PDE4B: variants seen among roughly 807,000 people sequenced by gnomAD.
PDE4B encodes 3',5'-cyclic-AMP phosphodiesterase 4B.
Under a neutral mutation model 82.2 loss-of-function variants are expected in PDE4B, and 20 were observed. The observed-to-expected ratio is 0.24, with a 90% CI of 0.17 to 0.35. PDE4B has a LOEUF of 0.35. PDE4B is among the 10% of genes least tolerant of loss of function. PDE4B has a pLI of 1.00. For missense variants in PDE4B, 655 were observed against 907.2 expected (o/e 0.72, Z 3.57); for synonymous variants, 320 against 318.9 (o/e 1.00, Z -0.04).
chr1:66,032,761 T>C (rs1004859823), intron 3 of PDE4B, among the ~76,000 whole-genome samples: 3 of 151,690 alleles, frequency 2.0e-5, no homozygotes, highest in African/African-American at 7.3e-5. Context: ...GTTCAAGCCA[T>C]TCTCCTGCCT....
At chr1:66,170,346 T>A (rs1487281782) in intron 3 of PDE4B, among the ~76,000 whole-genome samples, 1 of 152,166 alleles carries the variant, frequency 6.6e-6, no homozygotes, top group Non-Finnish European at 1.5e-5. Context: ...TTAGGAAAAA[T>A]GCATTGAGTA....
intron 1 of PDE4B, among the ~76,000 whole-genome samples, chr1:65,828,445 C>T (rs944654689): frequency 5.9e-5 from 9 of 151,986 alleles, no homozygotes; most frequent in Admixed American, 2.0e-4. Flanking sequence ...AGGGTTTCAC[C>T]ATGTTGGCCA....
intron 3 of PDE4B, among the ~76,000 whole-genome samples, chr1:66,116,975 C>T (rs1215672518): frequency 6.6e-6 from 1 of 152,192 alleles, no homozygotes; most frequent in African/African-American, 2.4e-5. Flanking sequence ...TGCCACCCCT[C>T]CAATCCAGCT....
intron 3 of PDE4B, among the ~76,000 whole-genome samples, chr1:66,120,688 TGTTGAAAGGTG>T (rs1191366430): frequency 6.6e-6 from 1 of 152,196 alleles, no homozygotes. Context: ...AGCTCAGTTC[TGTTGAAAGGTG>T]GTTGCCTTTG....
chr1:65,890,044 T>C (rs892623754), intron 1 of PDE4B, among the ~76,000 whole-genome samples: 8 of 152,116 alleles, frequency 5.3e-5, no homozygotes, highest in Admixed American at 5.3e-4. Context: ...AAAAATATCC[T>C]ATCTGTACCA....
chr1:66,326,805 C>T (rs756967100), intron 7 of PDE4B, among the ~76,000 whole-genome samples: 2 of 152,128 alleles, frequency 1.3e-5, no homozygotes, highest in Non-Finnish European at 2.9e-5. Context: ...CTTTCAATTG[C>T]TAATCATGTG....
chr1:66,259,289 A>C (rs1470920731), intron 6 of PDE4B, among the ~76,000 whole-genome samples: 1 of 152,240 alleles, frequency 6.6e-6, no homozygotes, highest in Non-Finnish European at 1.5e-5. Flanking sequence ...AATAGTGACC[A>C]GAGCAGACAA....
intron 1 of PDE4B, among the ~76,000 whole-genome samples, chr1:65,884,168 T>C (rs962852233): frequency 2.0e-4 from 31 of 152,316 alleles, no homozygotes; most frequent in African/African-American, 7.5e-4. Context: ...GATGCTGGCC[T>C]CATAAAATGA....
chr1:66,180,140 G>A (rs1647029185), intron 3 of PDE4B, among the ~76,000 whole-genome samples: 1 of 152,144 alleles, frequency 6.6e-6, no homozygotes, highest in Admixed American at 6.5e-5. Flanking sequence ...CAGGTAGGGA[G>A]GAAGCCAACA....
chr1:66,335,500 T>TGAA (rs1385813368), intron 8 of PDE4B, among the ~76,000 whole-genome samples: 2 of 152,350 alleles, frequency 1.3e-5, no homozygotes, highest in East Asian at 3.9e-4. Flanking sequence ...CTTTAAATTT[T>TGAA]GAAGAAAACT....
intron 3 of PDE4B, among the ~76,000 whole-genome samples, chr1:66,058,341 A>T (rs58128575): frequency 0.52 from 79,541 of 151,930 alleles, 20,948 homozygotes; most frequent in East Asian, 0.59. Flanking sequence ...TTCCAGGTGC[A>T]TGGTGCAAGC....
At chr1:66,121,510 G>A (rs905423988) in intron 3 of PDE4B, among the ~76,000 whole-genome samples, 10 of 152,184 alleles carry the variant, frequency 6.6e-5, no homozygotes, top group African/African-American at 2.4e-4. Flanking sequence ...TAAGCTCCTG[G>A]AGGAGCTATA....
intron 3 of PDE4B, among the ~76,000 whole-genome samples, chr1:65,941,694 A>G (rs562602411): frequency 1.3e-4 from 20 of 152,238 alleles, no homozygotes; most frequent in African/African-American, 4.6e-4. Context: ...ATATGTATAC[A>G]TTGTGAAATA....
chr1:66,069,179 G>T (rs1656023599), intron 3 of PDE4B, among the ~76,000 whole-genome samples: 1 of 151,988 alleles, frequency 6.6e-6, no homozygotes, highest in African/African-American at 2.4e-5. Flanking sequence ...GCATTGAAGT[G>T]CATCAGCAAA....
intron 1 of PDE4B, among the ~76,000 whole-genome samples, chr1:65,883,067 A>G (rs960240842): frequency 6.6e-6 from 1 of 152,116 alleles, no homozygotes; most frequent in African/African-American, 2.4e-5. Context: ...ATGACTAACA[A>G]TCATATGCTT....
intron 7 of PDE4B, among the ~76,000 whole-genome samples, chr1:66,312,752 T>C (rs1458915862): frequency 6.6e-6 from 1 of 152,184 alleles, no homozygotes; most frequent in Non-Finnish European, 1.5e-5. Context: ...CAGCCACATG[T>C]TTTTGCAAAT....
rs545585022 is a variant in PDE4B, at chr1:65,848,535, A to G, written c.-71+55287A>G. On this transcript the variant is annotated intron_variant, in intron 1 of 16. Transcript: ENST00000341517. ...ATTATCTTAAGAGTCTCTTGTGCCA[A>G]CTTCTAGTCACTTCTTATGCCCTAC... Among the ~76,000 whole-genome samples, 4 of 152,274 alleles carry G rather than the reference A, an allele frequency of 2.6e-5. No homozygotes were observed. In the South Asian group the frequency reaches 8.3e-4, roughly 32 times the overall value.
Position 66,082,641 on chromosome 1 carries a change from AATAT to A in PDE4B, c.281+163822_281+163825del, listed in dbSNP as rs67481716. ...ATAGGAATTTTGATAGGATTGAAAT[AATAT>A]ATATATATATATATACAGTGCTTAT... On this transcript the variant is annotated intron_variant, in intron 3 of 16. Coordinates refer to ENST00000341517, the MANE Select transcript of PDE4B (RefSeq NM_002600.4). Among the ~76,000 whole-genome samples the A allele has an allele frequency of 9.9e-3, 1,457 of 147,854 alleles. 23 individuals carry two copies. The highest frequency in any genetic ancestry group is 0.033 in the African/African-American group (1,348 of 40,358).
intron 1 of PDE4B, among the ~76,000 whole-genome samples, chr1:65,911,157 A>G (rs1392789792): frequency 6.6e-6 from 1 of 152,022 alleles, no homozygotes; most frequent in Admixed American, 6.6e-5. Context: ...TTACAAAAAT[A>G]CTCTTGCTTG....
Sources: allele counts gnomAD v4.1 joint callset (sites outside exome capture counted in the v4.1 genomes callset), GRCh38; gene constraint gnomAD v4.1.1; transcripts MANE v1.5; gene names NCBI Gene and HGNC (gene_info 2026-07-23, HGNC 2026-07-21).